Variants in ERBB4 observed in about 807,000 individuals in gnomAD.
ERBB4 encodes the protein receptor tyrosine-protein kinase erbB-4.
In ERBB4, 42 loss-of-function variants were observed where a neutral mutation model predicts 158.0. That is an observed-to-expected ratio of 0.27 (90% CI 0.21 to 0.34). ERBB4 has a LOEUF of 0.34. Ranked by LOEUF, ERBB4 falls within the 10% of genes least tolerant of loss-of-function variation. The pLI is 1.00. For missense variants in ERBB4, 1,333 were observed against 1,624.1 expected, an observed-to-expected ratio of 0.82 and a Z score of 3.08; for synonymous variants, 583 against 558.7, an observed-to-expected ratio of 1.04 and a Z score of -0.61.
intron 2 of ERBB4, among the ~76,000 whole-genome samples, chr2:212,081,396 C>G (rs1013618707): frequency 1.3e-5 from 2 of 151,998 alleles, no homozygotes; most frequent in Admixed American, 1.3e-4. Flanking sequence ...AAAAAACAAA[C>G]AAGGAAACAA....
intron 14 of ERBB4, among the ~76,000 whole-genome samples, chr2:211,669,660 C>T (rs963236991): frequency 6.6e-6 from 1 of 152,070 alleles, no homozygotes; most frequent in Non-Finnish European, 1.5e-5. Context: ...CCAATCTATC[C>T]CTTGCAAGAT....
chr2:211,748,036 TTATAA>T (rs1340736437), intron 5 of ERBB4, among the ~76,000 whole-genome samples: 5 of 151,718 alleles, frequency 3.3e-5, no homozygotes, highest in Admixed American at 1.3e-4. Context: ...TAAATAGATG[TTATAA>T]TATATAGTTT....
chr2:211,927,781 C>T (rs1478802562), intron 3 of ERBB4, among the ~76,000 whole-genome samples: 2 of 151,636 alleles, frequency 1.3e-5, no homozygotes, highest in Non-Finnish European at 2.9e-5. Context: ...TTTTCATTAT[C>T]TAGAAGTTAA....
At chr2:211,716,549 G>C (rs368364362) in intron 7 of ERBB4, among the ~76,000 whole-genome samples, 1 of 149,388 alleles carries the variant, frequency 6.7e-6, no homozygotes. Flanking sequence ...GGTGGCGGGC[G>C]CCTGTAGTCC....
intron 1 of ERBB4, among the ~76,000 whole-genome samples, chr2:212,238,055 T>C (rs1320575840): frequency 6.6e-6 from 1 of 152,220 alleles, no homozygotes; most frequent in Admixed American, 6.5e-5. Flanking sequence ...ACTTAACTCC[T>C]GGGCTTCCGC....
At chr2:211,587,882 A>G (rs2068334890) in intron 19 of ERBB4, among the ~76,000 whole-genome samples, 1 of 152,138 alleles carries the variant, frequency 6.6e-6, no homozygotes, top group South Asian at 2.1e-4. Context: ...CTACACTTGT[A>G]CCTTCAGATA....
chr2:211,446,527 T>C (rs1386397150), intron 20 of ERBB4, among the ~76,000 whole-genome samples: 1 of 152,190 alleles, frequency 6.6e-6, no homozygotes, highest in South Asian at 2.1e-4. Flanking sequence ...AAACTCAGAA[T>C]GGATTTGGAC....
chr2:212,243,648 A>C (rs1051177136), intron 1 of ERBB4, among the ~76,000 whole-genome samples: 5 of 152,150 alleles, frequency 3.3e-5, no homozygotes, highest in Admixed American at 3.3e-4. Context: ...ATTTTCAGGC[A>C]ATCTAGATTA....
chr2:211,667,171 C>T (rs963784194), intron 14 of ERBB4, among the ~76,000 whole-genome samples: 3 of 134,758 alleles, frequency 2.2e-5, no homozygotes, highest in Admixed American at 1.4e-4. Context: ...ACACTCAAAG[C>T]TGTCCTGGGT....
chr2:211,403,154 A>G (rs1383377619), intron 25 of ERBB4, among the ~76,000 whole-genome samples: 1 of 151,872 alleles, frequency 6.6e-6, no homozygotes, highest in Non-Finnish European at 1.5e-5. Flanking sequence ...CCCTTTTCCA[A>G]CCTCGCTGTT....
intron 20 of ERBB4, among the ~76,000 whole-genome samples, chr2:211,560,304 C>T (rs182599032): frequency 0.014 from 1,201 of 87,810 alleles, 24 homozygotes; most frequent in African/African-American, 0.059. Context: ...GATGGAGTTT[C>T]CCTCTTGCTG....
chr2:212,217,602 A>AG (rs1480709312), intron 1 of ERBB4, among the ~76,000 whole-genome samples: 1 of 151,248 alleles, frequency 6.6e-6, no homozygotes, highest in African/African-American at 2.4e-5. Context: ...CAAAGGAAAA[A>AG]GAAGGAAACG....
At chr2:212,275,258 C>G (rs1315207127) in intron 1 of ERBB4, among the ~76,000 whole-genome samples, 2 of 151,866 alleles carry the variant, frequency 1.3e-5, no homozygotes, top group African/African-American at 4.8e-5. Flanking sequence ...TTTATAGTAG[C>G]ATGATTTATA....
chr2:211,640,050 GGTTT>G (rs1437355887), intron 16 of ERBB4, among the ~76,000 whole-genome samples: 7 of 151,970 alleles, frequency 4.6e-5, no homozygotes, highest in South Asian at 4.2e-4. Context: ...GTAATAGCCT[GGTTT>G]GTTTGTTTGT....
At chr2:212,076,354 C>T (rs964798907) in intron 2 of ERBB4, among the ~76,000 whole-genome samples, 4 of 151,854 alleles carry the variant, frequency 2.6e-5, no homozygotes, top group Non-Finnish European at 4.4e-5. Context: ...TTGAATAAGA[C>T]AGATGTTTTA....
intron 3 of ERBB4, among the ~76,000 whole-genome samples, chr2:211,834,508 G>A (rs1182961929): frequency 6.6e-6 from 1 of 151,778 alleles, no homozygotes; most frequent in Non-Finnish European, 1.5e-5. Context: ...AGGGGGGTAG[G>A]GGCAACTGAC....
rs576122426 is a variant in ERBB4, at chr2:211,946,883, A to T, written c.421+547T>A. Reference sequence around the variant, plus strand: ...CTTACATCATATATTTCCAATCTTAATGAGAAAAACCTACTCTGATGATCT... The same window carrying T: ...CTTACATCATATATTTCCAATCTTATTGAGAAAAACCTACTCTGATGATCT... On this transcript the variant is annotated intron_variant, in intron 3 of 27. Transcript: ENST00000342788. 2.9e-3 allele frequency among the ~76,000 whole-genome samples: 442 copies of T among 152,096 alleles called. 1 individual carries two copies. Among genetic ancestry groups the T allele is most frequent in the African/African-American group, 0.01 (427 of 41,508 alleles).
intron 1 of ERBB4, among the ~76,000 whole-genome samples, chr2:212,325,825 G>A (rs997200970): frequency 6.6e-6 from 1 of 150,456 alleles, no homozygotes; most frequent in Non-Finnish European, 1.5e-5. Context: ...TTTTGGGTTG[G>A]GGGAGAGGTG....
intron 4 of ERBB4, among the ~76,000 whole-genome samples, chr2:211,767,781 A>G (rs1336066260): frequency 6.6e-6 from 1 of 152,102 alleles, no homozygotes; most frequent in Non-Finnish European, 1.5e-5. Context: ...CTCCTATAAC[A>G]CACGGGGATT....
Sources: gnomAD v4.1 joint callset for allele counts (sites outside exome capture counted in the v4.1 genomes callset) on GRCh38, gnomAD v4.1.1 for gene constraint, MANE v1.5 for transcripts, NCBI Gene and HGNC (gene_info 2026-07-23, HGNC 2026-07-21) for gene names.